Variants in IGSF21 observed in about 807,000 individuals in gnomAD.
IGSF21 encodes the protein immunoglobulin superfamily member 21.
A neutral mutation model predicts 46.8 loss-of-function variants in IGSF21; 28 were observed. The ratio of observed to expected loss-of-function variants is 0.60; its 90% CI spans 0.44 to 0.82. The LOEUF is 0.82. IGSF21 is among the 40% of genes least tolerant of loss of function. The probability of loss-of-function intolerance (pLI) is 0.00; values close to 1 mark genes in which losing one functional copy is unlikely to be tolerated. For missense variants in IGSF21, 624 were observed against 665.5 expected (o/e 0.94, Z 0.69); for synonymous variants, 284 against 273.6 (o/e 1.04, Z -0.38).
At chr1:18,125,852 A>G (rs184842702) in intron 1 of IGSF21, among the ~76,000 whole-genome samples, 146 of 152,332 alleles carry the variant, frequency 9.6e-4, no homozygotes, top group African/African-American at 3.2e-3. Flanking sequence ...CAGGGGCCCT[A>G]TTGATGGAAT....
At chr1:18,356,216 C>G (rs949682326) in intron 4 of IGSF21, among the ~76,000 whole-genome samples, 1 of 152,166 alleles carries the variant, frequency 6.6e-6, no homozygotes, top group African/African-American at 2.4e-5. Flanking sequence ...TGTCTCTTCA[C>G]CTTAGAAGGG....
At chr1:18,223,573 G>A (rs1015820170) in intron 1 of IGSF21, among the ~76,000 whole-genome samples, 3 of 152,186 alleles carry the variant, frequency 2.0e-5, no homozygotes, top group South Asian at 2.1e-4. Context: ...AGGAGGGTAC[G>A]AGGACCCAAA....
Position 18,232,770 on chromosome 1 carries a change from T to C in IGSF21, c.183+4760T>C, listed in dbSNP as rs111919832. Among the ~76,000 whole-genome samples the C allele has an allele frequency of 3.0e-3, 464 of 152,350 alleles. 3 individuals carry two copies. Among genetic ancestry groups the C allele is most frequent in the African/African-American group, 0.01 (429 of 41,580 alleles). ...TAGAGCAGAGTCACCTCAGTGAACA[T>C]TTGCTAAATTAACAAATCATGGAGC... is the stretch of plus-strand genomic sequence containing the variant. On this transcript the variant is annotated intron_variant, in intron 2 of 9. Coordinates refer to ENST00000251296, the MANE Select transcript of IGSF21 (RefSeq NM_032880.5).
rs60349068 is a variant in IGSF21, at chr1:18,342,054, GTTTTT to G, written c.424+7054_424+7058del. ...TAAGTGTGCCTGGTGCATTTTCCTT[GTTTTT>G]TTTTTTTTTGTTTGTTTGTTTGTTT... is the stretch of plus-strand genomic sequence containing the variant. On this transcript the variant is annotated intron_variant, in intron 4 of 9. Transcript: ENST00000251296. 6.9e-5 allele frequency among the ~76,000 whole-genome samples: 10 copies of G among 144,642 alleles called. 1 individual carries two copies. The highest frequency in any genetic ancestry group is 2.3e-4 in the African/African-American group (9 of 39,026). The allele number at this position is 144,642 out of a possible 152,430, so 94.9% of individuals were successfully genotyped here. A position where few individuals can be genotyped will look rare whatever the true frequency, so the allele number is the denominator to read the frequency against.
At chr1:18,351,918 G>C (rs1213934815) in intron 4 of IGSF21, among the ~76,000 whole-genome samples, 1 of 152,264 alleles carries the variant, frequency 6.6e-6, no homozygotes, top group East Asian at 1.9e-4. Context: ...CACAGGCTGC[G>C]GGGCAGGCTG....
intron 6 of IGSF21, among the ~76,000 whole-genome samples, chr1:18,366,840 G>A (rs2086169922): frequency 6.6e-6 from 1 of 152,094 alleles, no homozygotes; most frequent in Admixed American, 6.5e-5. Flanking sequence ...CAGTTCCCTG[G>A]TAACTCACTC....
chr1:18,365,096 G>C lies in IGSF21; in HGVS notation c.541-127G>C. Reference sequence around the variant, plus strand: ...TGTTGAAGGGAAAAGAGTGGGGTGAGGGCTACTGTCTAGACTACTATGCTC... The same window carrying C: ...TGTTGAAGGGAAAAGAGTGGGGTGACGGCTACTGTCTAGACTACTATGCTC... On this transcript the variant is annotated intron_variant, in intron 5 of 9. Coordinates refer to ENST00000251296, the MANE Select transcript of IGSF21 (RefSeq NM_032880.5). This position sits in a 1 kb window ranked among gnomAD's most constrained non-coding sequence, Gnocchi z 4.8. The C allele has an allele frequency of 1.4e-6, 1 of 702,654 alleles. No individual in the cohort carries two copies. 43.5% of individuals were successfully genotyped at this position (702,654 alleles called of 1,614,324 possible). A position where few individuals can be genotyped will look rare whatever the true frequency, so the allele number is the denominator to read the frequency against.
intron 1 of IGSF21, among the ~76,000 whole-genome samples, chr1:18,190,086 G>A (rs1177234339): frequency 1.3e-5 from 2 of 152,326 alleles, no homozygotes; most frequent in Admixed American, 1.3e-4. Context: ...TCCATGTCTG[G>A]GAATTGCCCT....
rs573011830 is a variant in IGSF21, at chr1:18,242,886, G to A, written c.183+14876G>A. Among the ~76,000 whole-genome samples, 4 of 152,344 alleles carry A rather than the reference G, an allele frequency of 2.6e-5. No homozygotes were observed. The South Asian group carries it at 6.2e-4, about 24-fold the overall frequency. On this transcript the variant is annotated intron_variant, in intron 2 of 9. Coordinates refer to ENST00000251296, the MANE Select transcript of IGSF21 (RefSeq NM_032880.5). ...CCATCCCTGGCTCACACTCTGCTGG[G>A]GGGGACAGGTGTCATGTGACCCGCA...
chr1:18,173,839 G>A (rs925622002), intron 1 of IGSF21, among the ~76,000 whole-genome samples: 2 of 152,050 alleles, frequency 1.3e-5, no homozygotes, highest in Non-Finnish European at 2.9e-5. Context: ...TTGCAACCTC[G>A]GTCTCCCAGG....
At position 18,145,789 on chromosome 1, in the gene IGSF21, G is replaced by A. The variant is rs553873870; in HGVS notation, c.70+37591G>A. Among the ~76,000 whole-genome samples, 4 of 152,302 alleles carry A rather than the reference G, an allele frequency of 2.6e-5. No individual in the cohort carries two copies. The East Asian group carries it at 5.8e-4, about 22-fold the overall frequency. ...CTGCCGGCTGAGCGTGGAGGTTAGG[G>A]AAGTCCAAATGATGCCCTTGGGCTC... On this transcript the variant is annotated intron_variant, in intron 1 of 9. Coordinates refer to ENST00000251296, the MANE Select transcript of IGSF21 (RefSeq NM_032880.5).
intron 5 of IGSF21, among the ~76,000 whole-genome samples, chr1:18,363,370 C>G (rs2086123554): frequency 1.3e-5 from 2 of 152,146 alleles, no homozygotes; most frequent in South Asian, 4.1e-4. Context: ...CTAGGCCAGC[C>G]CTGCCTTGCG....
chr1:18,241,074 G>T (rs187845001), intron 2 of IGSF21, among the ~76,000 whole-genome samples: 1 of 152,260 alleles, frequency 6.6e-6, no homozygotes, highest in Admixed American at 6.5e-5. Context: ...CAGAGAAAGT[G>T]CCCCACCCTT....
chr1:18,186,650 TC>T (rs968940974), intron 1 of IGSF21, among the ~76,000 whole-genome samples: 5 of 152,168 alleles, frequency 3.3e-5, no homozygotes, highest in African/African-American at 1.2e-4. Flanking sequence ...CATCTGATCG[TC>T]CCCCAATTCT....
At chr1:18,189,691 C>T (rs1054783520) in intron 1 of IGSF21, among the ~76,000 whole-genome samples, 3 of 151,950 alleles carry the variant, frequency 2.0e-5, no homozygotes, top group Non-Finnish European at 2.9e-5. Context: ...CAGTAGGGTC[C>T]GTGCTCCTAT....
intron 1 of IGSF21, among the ~76,000 whole-genome samples, chr1:18,208,018 C>T (rs1410255289): frequency 1.3e-5 from 2 of 152,106 alleles, no homozygotes; most frequent in South Asian, 2.1e-4. Flanking sequence ...GGCAGGAATT[C>T]GCTTTGACAT....
chr1:18,252,893 G>A (rs1011701228), intron 2 of IGSF21, among the ~76,000 whole-genome samples: 3 of 152,098 alleles, frequency 2.0e-5, no homozygotes, highest in Non-Finnish European at 4.4e-5. Context: ...TGCCAGCCTC[G>A]CCAGGTTGTT....
chr1:18,342,337 TC>T (rs2085851467), intron 4 of IGSF21, among the ~76,000 whole-genome samples: 1 of 152,042 alleles, frequency 6.6e-6, no homozygotes, highest in Non-Finnish European at 1.5e-5. Context: ...CAAGTGATCC[TC>T]CCGCCTCGGC....
At chr1:18,206,612 G>C (rs1333082263) in intron 1 of IGSF21, among the ~76,000 whole-genome samples, 17 of 152,112 alleles carry the variant, frequency 1.1e-4, no homozygotes, top group Non-Finnish European at 2.9e-5. Context: ...CCTTGGTGTG[G>C]GAATGAGCTT....
Sources: allele counts gnomAD v4.1 joint callset (sites outside exome capture counted in the v4.1 genomes callset), GRCh38; gene constraint gnomAD v4.1.1; non-coding constraint Gnocchi (gnomAD v3.1); transcripts MANE v1.5; gene names NCBI Gene and HGNC (gene_info 2026-07-23, HGNC 2026-07-21).